The following GREB1L variants were observed in gnomAD, a reference collection of about 807,000 sequenced individuals.
GREB1L encodes GREB1-like protein.
Under a neutral mutation model 200.8 loss-of-function variants are expected in GREB1L, and 17 were observed. The ratio of observed to expected loss-of-function variants is 0.08; its 90% CI spans 0.06 to 0.13. GREB1L has a LOEUF of 0.13. Ranked by LOEUF, GREB1L falls within the 10% of genes least tolerant of loss-of-function variation. GREB1L has a pLI of 1.00. For synonymous variants in GREB1L, 789 were observed against 893.0 expected (o/e 0.88, Z 2.08); for missense variants, 1,657 against 2,367.7 (o/e 0.70, Z 6.23).
At chr18:21,446,456 A>G (rs1263770588) in intron 11 of GREB1L, among the ~76,000 whole-genome samples, 1 of 152,232 alleles carries the variant, frequency 6.6e-6, no homozygotes, top group Admixed American at 6.5e-5. Flanking sequence ...AAAAGAAAAG[A>G]AAAAAAGAAA....
At chr18:21,312,060 T>G (rs933861098) in intron 1 of GREB1L, among the ~76,000 whole-genome samples, 7 of 152,128 alleles carry the variant, frequency 4.6e-5, no homozygotes, top group South Asian at 4.1e-4. Flanking sequence ...TAGCTCCCAC[T>G]TATAAGTTAG....
At position 21,245,968 on chromosome 18, in the gene GREB1L, C is replaced by T. The variant is rs147043627; in HGVS notation, c.-120+3575C>T. ...ATCGATCTCGACCTCGTGATCTGCC[C>T]GCCTCAGCCTCCCAAAGTGCTGGGA... On this transcript the variant is annotated intron_variant, in intron 1 of 32. Transcript: ENST00000424526. 7.3e-3 allele frequency among the ~76,000 whole-genome samples: 1,115 copies of T among 152,210 alleles called. 19 individuals are homozygous for T. Among genetic ancestry groups the T allele is most frequent in the African/African-American group, 0.025 (1,039 of 41,526 alleles).
At chr18:21,482,781 C>T (rs2035973570) in intron 17 of GREB1L, among the ~76,000 whole-genome samples, 1 of 151,522 alleles carries the variant, frequency 6.6e-6, no homozygotes. Context: ...ACGCCCGCAG[C>T]GAAAGCACAG....
chr18:21,460,136 A>T (rs1225053596), intron 15 of GREB1L, among the ~76,000 whole-genome samples: 2 of 151,948 alleles, frequency 1.3e-5, no homozygotes, highest in Non-Finnish European at 2.9e-5. Context: ...TGCCGTACTA[A>T]ATTCTTGTTT....
chr18:21,449,479 T>C, intron 11 of GREB1L, 31 bp from the exon 12 acceptor site: 1 of 1,357,878 alleles, frequency 7.4e-7, no homozygotes, highest in Non-Finnish European at 1.0e-6. Context: ...TGTGATTCTT[T>C]AAATTCCAGC....
intron 1 of GREB1L, among the ~76,000 whole-genome samples, chr18:21,271,889 G>T (rs532299041): frequency 8.5e-5 from 13 of 152,120 alleles, no homozygotes; most frequent in African/African-American, 2.7e-4. Context: ...GGCTAAAAGC[G>T]TGGGGAACAG....
intron 1 of GREB1L, among the ~76,000 whole-genome samples, chr18:21,274,742 G>T (rs116388545): frequency 0.018 from 2,664 of 151,586 alleles, 88 homozygotes; most frequent in African/African-American, 0.061. Flanking sequence ...AGAAAACTAG[G>T]CAGGCCTGGT....
At chr18:21,514,788 A>T (rs1476818962) in intron 28 of GREB1L, among the ~76,000 whole-genome samples, 2 of 152,150 alleles carry the variant, frequency 1.3e-5, no homozygotes, top group Admixed American at 6.5e-5. Context: ...ACCTCTCCAT[A>T]TCTCAAGTCC....
chr18:21,425,592 C>T (rs552093637), intron 7 of GREB1L, among the ~76,000 whole-genome samples: 13 of 152,260 alleles, frequency 8.5e-5, no homozygotes, highest in South Asian at 2.1e-4. Flanking sequence ...CTTGTGGGTA[C>T]GATGTAGTAG....
At chr18:21,481,488 T>TAC (rs2035921462) in intron 17 of GREB1L, among the ~76,000 whole-genome samples, 2 of 150,754 alleles carry the variant, frequency 1.3e-5, no homozygotes, top group South Asian at 4.2e-4. Context: ...TATATATATA[T>TAC]ATATATATAG....
At chr18:21,253,249 A>AT (rs66924517) in intron 1 of GREB1L, among the ~76,000 whole-genome samples, 13,107 of 127,100 alleles carry the variant, frequency 0.1, 991 homozygotes, top group Admixed American at 0.16. Flanking sequence ...TATTTCAAGA[A>AT]TTTTTTTTTT....
intron 1 of GREB1L, among the ~76,000 whole-genome samples, chr18:21,319,902 A>G (rs1163792811): frequency 1.3e-5 from 2 of 152,220 alleles, no homozygotes; most frequent in African/African-American, 4.8e-5. Flanking sequence ...AGAAAAAGCA[A>G]GGTGGTTGGA....
intron 1 of GREB1L, among the ~76,000 whole-genome samples, chr18:21,327,701 C>CT (rs1555628207): frequency 2.3e-4 from 33 of 142,328 alleles, no homozygotes; most frequent in African/African-American, 4.1e-4. Context: ...CTTTTTTTTT[C>CT]TTTTTTTTGG....
intron 1 of GREB1L, among the ~76,000 whole-genome samples, chr18:21,266,227 G>T (rs982623464): frequency 6.6e-6 from 1 of 152,138 alleles, no homozygotes; most frequent in African/African-American, 2.4e-5. Flanking sequence ...GGTATCAAAA[G>T]AATTGTGTTC....
intron 15 of GREB1L, among the ~76,000 whole-genome samples, chr18:21,472,341 G>T (rs2035515137): frequency 6.6e-6 from 1 of 152,196 alleles, no homozygotes; most frequent in Non-Finnish European, 1.5e-5. Context: ...TACTTTAGAT[G>T]TGTGCAGAAG....
intron 1 of GREB1L, among the ~76,000 whole-genome samples, chr18:21,340,953 C>T (rs1415114660): frequency 2.0e-5 from 3 of 152,178 alleles, no homozygotes; most frequent in Non-Finnish European, 4.4e-5. Context: ...TTGTTGCATA[C>T]CTAATACATG....
chr18:21,322,412 A>G (rs1474064088), intron 1 of GREB1L, among the ~76,000 whole-genome samples: 1 of 152,186 alleles, frequency 6.6e-6, no homozygotes, highest in South Asian at 2.1e-4. Flanking sequence ...ATCTAGGTAA[A>G]GAAAACTTTA....
intron 1 of GREB1L, among the ~76,000 whole-genome samples, chr18:21,305,594 GAC>G (rs1286968852): frequency 6.6e-6 from 1 of 152,068 alleles, no homozygotes; most frequent in African/African-American, 2.4e-5. Context: ...TTACTTGACT[GAC>G]TACAATGGCC....
At chr18:21,250,055 A>G (rs913399005) in intron 1 of GREB1L, among the ~76,000 whole-genome samples, 1 of 152,166 alleles carries the variant, frequency 6.6e-6, no homozygotes, top group Non-Finnish European at 1.5e-5. Flanking sequence ...ACTTGAGTGA[A>G]GACACAAAGA....
Sources: allele counts gnomAD v4.1 joint callset (sites outside exome capture counted in the v4.1 genomes callset), GRCh38; gene constraint gnomAD v4.1.1; transcripts MANE v1.5; gene names NCBI Gene and HGNC (gene_info 2026-07-23, HGNC 2026-07-21).